Variants in BRINP3 observed in about 807,000 individuals in gnomAD.
The protein encoded by BRINP3 is BMP/retinoic acid-inducible neural-specific protein 3.
A neutral mutation model predicts 71.0 loss-of-function variants in BRINP3; 19 were observed. The ratio of observed to expected loss-of-function variants is 0.27; its 90% confidence interval spans 0.19 to 0.39. The LOEUF is 0.39. Among genes scored for constraint, BRINP3 ranks in the 10% least tolerant of loss-of-function variants. The pLI, the probability that BRINP3 is intolerant of heterozygous loss-of-function variation, is 1.00. For synonymous variants in BRINP3, 380 were observed against 337.7 expected (o/e 1.13, Z -1.37); for missense variants, 959 against 940.8 (o/e 1.02, Z -0.25).
At position 190,098,545 on chromosome 1, in the gene BRINP3, T is replaced by C. The variant is rs759194490; in HGVS notation, c.1774A>G (p.Ser592Gly). Residue 592 changes from serine (S) to glycine (G), a missense_variant, in exon 8 of 8, where the codon AGC (serine) becomes GGC (glycine). Ser to Gly is a moderately conservative substitution (Grantham distance 56, BLOSUM62 0). Transcript: ENST00000367462. ...ESWFMPVNEN[S>G]FPDWERTKLD... ...TTAGTCCGCTCCCAGTCTGGAAAGC[T>C]GTTTTCATTCACAGGCATAAACCAG... 9 of 1,614,090 alleles carry C rather than the reference T, an allele frequency of 5.6e-6. No individual in the cohort carries two copies. The highest frequency in any genetic ancestry group is 1.1e-5 in the South Asian group (1 of 91,090).
intron 6 of BRINP3, 50 bp downstream of exon 6, chr1:190,226,032 T>A: frequency 8.3e-7 from 1 of 1,198,902 alleles, no homozygotes; most frequent in Non-Finnish European, 1.2e-6. Context: ...GCCATTTCAA[T>A]ATATTTTTTG....
At chr1:190,100,794 T>C (rs1256400363) in intron 7 of BRINP3, among the ~76,000 whole-genome samples, 2 of 152,208 alleles carry the variant, frequency 1.3e-5, no homozygotes, top group African/African-American at 4.8e-5. Flanking sequence ...TTTCTTATAC[T>C]GAAAATCACT....
intron 4 of BRINP3, among the ~76,000 whole-genome samples, chr1:190,234,698 T>G (rs1420326471): frequency 6.6e-6 from 1 of 151,956 alleles, no homozygotes; most frequent in Non-Finnish European, 1.5e-5. Context: ...GGCATAAATA[T>G]CCCAGGAAAA....
At chr1:190,473,852 C>T (rs998508504) in intron 1 of BRINP3, among the ~76,000 whole-genome samples, 1 of 151,334 alleles carries the variant, frequency 6.6e-6, no homozygotes, top group African/African-American at 2.4e-5. Context: ...CTACACTGCC[C>T]TTGGGCAAGC....
intron 6 of BRINP3, among the ~76,000 whole-genome samples, chr1:190,213,621 GC>G (rs1305231062): frequency 2.0e-5 from 3 of 151,956 alleles, no homozygotes; most frequent in Non-Finnish European, 2.9e-5. Context: ...TGGCTTTCAT[GC>G]CCCTTGCCAT....
chr1:190,174,930 T>C (rs949815143), intron 6 of BRINP3, among the ~76,000 whole-genome samples: 4 of 152,144 alleles, frequency 2.6e-5, no homozygotes, highest in Non-Finnish European at 4.4e-5. Flanking sequence ...GAATCATATT[T>C]ATCCTATCTG....
At chr1:190,114,524 C>T (rs1652963594) in intron 7 of BRINP3, among the ~76,000 whole-genome samples, 1 of 135,778 alleles carries the variant, frequency 7.4e-6, no homozygotes, top group Non-Finnish European at 1.5e-5. Context: ...ATAAGTTTGC[C>T]ACTGTGTGTG....
intron 7 of BRINP3, among the ~76,000 whole-genome samples, chr1:190,102,828 C>T (rs1651814933): frequency 6.6e-6 from 1 of 151,934 alleles, no homozygotes; most frequent in South Asian, 2.1e-4. Context: ...AATAATTCCT[C>T]AAAAATCTTT....
At chr1:190,247,620 A>T (rs1659729188) in intron 4 of BRINP3, among the ~76,000 whole-genome samples, 1 of 151,586 alleles carries the variant, frequency 6.6e-6, no homozygotes, top group Non-Finnish European at 1.5e-5. Flanking sequence ...ATCTATCCCC[A>T]TCTTCCACTC....
chr1:190,319,192 A>T (rs370280812), intron 2 of BRINP3, among the ~76,000 whole-genome samples: 77 of 152,224 alleles, frequency 5.1e-4, no homozygotes, highest in African/African-American at 1.8e-3. Context: ...TTTAGGATCT[A>T]AACCCAGGAT....
intron 1 of BRINP3, among the ~76,000 whole-genome samples, chr1:190,475,338 G>C (rs1221821302): frequency 1.3e-5 from 2 of 152,188 alleles, no homozygotes; most frequent in Admixed American, 1.3e-4. Context: ...GAGATCTTAA[G>C]TCTATTCTCT....
At chr1:190,208,327 A>G (rs1448443997) in intron 6 of BRINP3, among the ~76,000 whole-genome samples, 2 of 152,000 alleles carry the variant, frequency 1.3e-5, no homozygotes, top group Non-Finnish European at 2.9e-5. Context: ...ATCATGAGGC[A>G]TTAATGATAA....
intron 4 of BRINP3, among the ~76,000 whole-genome samples, chr1:190,236,110 T>C (rs1013345233): frequency 1.3e-5 from 2 of 151,822 alleles, no homozygotes; most frequent in Admixed American, 6.6e-5. Flanking sequence ...AAGCCTAAAG[T>C]AAATAGGTAC....
intron 6 of BRINP3, among the ~76,000 whole-genome samples, chr1:190,162,508 C>T (rs1651097270): frequency 6.6e-6 from 1 of 151,948 alleles, no homozygotes; most frequent in Admixed American, 6.6e-5. Context: ...TGTTAAATTC[C>T]CTCTTTTGAA....
intron 6 of BRINP3, among the ~76,000 whole-genome samples, chr1:190,221,232 CA>C (rs1387681280): frequency 6.6e-6 from 1 of 151,910 alleles, no homozygotes; most frequent in East Asian, 1.9e-4. Flanking sequence ...AAACAAACAA[CA>C]AAAAAAGTAA....
At chr1:190,247,579 T>C (rs1659724867) in intron 4 of BRINP3, among the ~76,000 whole-genome samples, 1 of 151,930 alleles carries the variant, frequency 6.6e-6, no homozygotes, top group South Asian at 2.1e-4. Context: ...TCATCTATCC[T>C]ATCTAGCTGT....
At chr1:190,151,280 A>G (rs553823440) in intron 7 of BRINP3, among the ~76,000 whole-genome samples, 7 of 152,338 alleles carry the variant, frequency 4.6e-5, no homozygotes, top group Admixed American at 3.3e-4. Flanking sequence ...TTAGAGATTC[A>G]GCCCTAACTT....
intron 1 of BRINP3, among the ~76,000 whole-genome samples, chr1:190,469,387 A>G (rs1193701960): frequency 6.6e-6 from 1 of 151,062 alleles, no homozygotes; most frequent in Non-Finnish European, 1.5e-5. Context: ...AATATTTTCA[A>G]TAAGCTAGAC....
chr1:190,387,296 G>A (rs1670974243), intron 2 of BRINP3, among the ~76,000 whole-genome samples: 1 of 151,934 alleles, frequency 6.6e-6, no homozygotes, highest in Admixed American at 6.6e-5. Flanking sequence ...AGGAAACTTG[G>A]CTTGAAAACA....
Sources: gnomAD v4.1 joint callset for allele counts (sites outside exome capture counted in the v4.1 genomes callset) on GRCh38, gnomAD v4.1.1 for gene constraint, MANE v1.5 for transcripts, NCBI Gene and HGNC (gene_info 2026-07-23, HGNC 2026-07-21) for gene names.